The following UBE2E1 variants were observed in gnomAD, a reference collection of about 807,000 sequenced individuals.
UBE2E1 encodes the protein ubiquitin conjugating enzyme E2 E1.
In UBE2E1, 6 loss-of-function variants were observed where a neutral mutation model predicts 21.4. The ratio of observed to expected loss-of-function variants is 0.28; its 90% CI spans 0.15 to 0.55. The LOEUF is 0.55. Ranked by LOEUF, UBE2E1 falls within the 20% of genes least tolerant of loss-of-function variation. UBE2E1 has a pLI of 0.93. For missense variants in UBE2E1, 142 were observed against 236.5 expected (o/e 0.60, Z 2.62); for synonymous variants, 87 against 82.7 (o/e 1.05, Z -0.28).
chr3:23,880,691 A>G (rs879306679), intron 3 of UBE2E1, among the ~76,000 whole-genome samples: 8 of 152,252 alleles, frequency 5.3e-5, no homozygotes, highest in Admixed American at 1.3e-4. Context: ...GTAGTCTGTA[A>G]TAAGTCTGTA....
Position 23,887,534 on chromosome 3 carries a change from C to T in UBE2E1, c.204-33C>T. ...CACTGTAAAAATTGGGATAGTGCCA[C>T]CATCTGCTTATTTGTTGACGTATTA... On this transcript the variant is annotated intron_variant, in intron 3 of 5. Transcript: ENST00000306627. The surrounding 1 kb of genome is among the most constrained non-coding windows in gnomAD (Gnocchi z 4.4). 1.3e-6 allele frequency: 2 copies of T among 1,588,294 alleles called. No individual in the cohort carries two copies. The highest frequency in any genetic ancestry group is 1.4e-5 in the African/African-American group (1 of 73,702).
At chr3:23,819,524 T>C (rs1699600703) in intron 3 of UBE2E1, among the ~76,000 whole-genome samples, 1 of 152,134 alleles carries the variant, frequency 6.6e-6, no homozygotes, top group South Asian at 2.1e-4. Flanking sequence ...GTTATTTGGT[T>C]TGTGTTCTTT....
intron 3 of UBE2E1, among the ~76,000 whole-genome samples, chr3:23,845,509 C>A (rs1575011054): frequency 6.6e-6 from 1 of 150,908 alleles, no homozygotes; most frequent in Non-Finnish European, 1.5e-5. Context: ...TTACTTGAGG[C>A]AGTTGTTAAA....
chr3:23,829,767 G>C (rs1699830695), intron 3 of UBE2E1, among the ~76,000 whole-genome samples: 1 of 152,198 alleles, frequency 6.6e-6, no homozygotes, highest in Non-Finnish European at 1.5e-5. Context: ...TTCCCCTCAG[G>C]CTTAGCTCAC....
intron 3 of UBE2E1, among the ~76,000 whole-genome samples, chr3:23,827,729 G>A (rs1699788006): frequency 6.6e-6 from 1 of 152,118 alleles, no homozygotes; most frequent in African/African-American, 2.4e-5. Context: ...TTATAACATA[G>A]CCACTAATAT....
At chr3:23,831,065 T>G (rs756633108) in intron 3 of UBE2E1, among the ~76,000 whole-genome samples, 16 of 152,224 alleles carry the variant, frequency 1.1e-4, no homozygotes, top group Non-Finnish European at 1.9e-4. Context: ...TTGGAGAGAA[T>G]TAGTCATTCT....
intron 3 of UBE2E1, among the ~76,000 whole-genome samples, chr3:23,822,979 TG>T (rs1281830187): frequency 6.6e-6 from 1 of 152,086 alleles, no homozygotes; most frequent in Non-Finnish European, 1.5e-5. Flanking sequence ...CCTGAGTAGC[TG>T]GGGTTACAGG....
intron 2 of UBE2E1, among the ~76,000 whole-genome samples, chr3:23,809,437 T>C (rs1465827400): frequency 1.3e-5 from 2 of 152,226 alleles, no homozygotes; most frequent in East Asian, 3.8e-4. Flanking sequence ...ATTGGCAGAC[T>C]AACAGGCTGC....
At chr3:23,880,763 A>T (rs558913498) in intron 3 of UBE2E1, among the ~76,000 whole-genome samples, 35 of 152,342 alleles carry the variant, frequency 2.3e-4, no homozygotes, top group African/African-American at 7.2e-4. Flanking sequence ...AGAAAACATG[A>T]ATGTTACTTT....
intron 3 of UBE2E1, among the ~76,000 whole-genome samples, chr3:23,819,560 A>G (rs1699601611): frequency 6.6e-6 from 1 of 152,218 alleles, no homozygotes; most frequent in Admixed American, 6.5e-5. Flanking sequence ...GTTCCTCGAG[A>G]GTAGGGATTA....
chr3:23,858,634 A>G (rs556856641), intron 3 of UBE2E1, among the ~76,000 whole-genome samples: 1 of 152,310 alleles, frequency 6.6e-6, no homozygotes, highest in Admixed American at 6.5e-5. Context: ...ACTTTATGAC[A>G]ATGGAAGACA....
rs1575047998 is a variant in UBE2E1, at chr3:23,889,121, C to T, written c.346C>T (p.Arg116Trp). The T allele has an allele frequency of 6.3e-7, 1 of 1,586,284 alleles. No individual in the cohort carries two copies. Among genetic ancestry groups the T allele is most frequent in the Non-Finnish European group, 8.6e-7 (1 of 1,169,568 alleles). ...CACTTGTTTTTTTTAGGTTACATTT[C>T]GGACAAGAATCTATCATTGTAATAT... ...YPFKPPKVTFRTRIYHCNINS... is the reference protein window; with the variant it reads ...YPFKPPKVTFWTRIYHCNINS... The change falls in exon 5 of 6, where the codon CGG becomes TGG. Residue 116 changes from arginine (R) to tryptophan (W), a missense_variant. By Grantham distance (101) the Arg-to-Trp change is moderately radical. Transcript: ENST00000306627.
intron 3 of UBE2E1, among the ~76,000 whole-genome samples, chr3:23,838,156 C>T (rs941967737): frequency 2.0e-5 from 3 of 152,104 alleles, no homozygotes; most frequent in Non-Finnish European, 2.9e-5. Flanking sequence ...CAGTCTCAGC[C>T]TCCCGGGCTC....
At chr3:23,851,434 T>C (rs1355352894) in intron 3 of UBE2E1, among the ~76,000 whole-genome samples, 1 of 152,208 alleles carries the variant, frequency 6.6e-6, no homozygotes, top group Non-Finnish European at 1.5e-5. Flanking sequence ...CATTTTGTTT[T>C]TTTTTAAACA....
At chr3:23,847,561 C>T (rs1408781092) in intron 3 of UBE2E1, among the ~76,000 whole-genome samples, 1 of 132,266 alleles carries the variant, frequency 7.6e-6, no homozygotes. Flanking sequence ...GTGGTGCGAT[C>T]TCAGCTCACT....
chr3:23,875,621 C>G (rs564623771), intron 3 of UBE2E1, among the ~76,000 whole-genome samples: 1 of 152,292 alleles, frequency 6.6e-6, no homozygotes, highest in South Asian at 2.1e-4. Flanking sequence ...TGTTACAAGA[C>G]TTTTGGAGGG....
intron 3 of UBE2E1, among the ~76,000 whole-genome samples, chr3:23,825,927 G>A (rs759307900): frequency 5.3e-5 from 8 of 152,102 alleles, no homozygotes; most frequent in South Asian, 2.1e-4. Flanking sequence ...TATATTCCCC[G>A]CTGTTAGGAG....
chr3:23,845,585 C>CTGTGTGTGTGTGTGTG (rs71620797), intron 3 of UBE2E1, among the ~76,000 whole-genome samples: 12,025 of 95,004 alleles, frequency 0.13, 712 homozygotes, highest in Middle Eastern at 0.27. Context: ...CTCTCTCTCT[C>CTGTGTGTGTGTGTGTG]TCTCTGTGTG....
At chr3:23,868,258 C>T (rs1452036855) in intron 3 of UBE2E1, among the ~76,000 whole-genome samples, 1 of 152,174 alleles carries the variant, frequency 6.6e-6, no homozygotes, top group Non-Finnish European at 1.5e-5. Context: ...GCTTTCTACT[C>T]AGAAACGCTG....
Sources: gnomAD v4.1 joint callset for allele counts (sites outside exome capture counted in the v4.1 genomes callset) on GRCh38, gnomAD v4.1.1 for gene constraint, Gnocchi (gnomAD v3.1) non-coding constraint, MANE v1.5 for transcripts, NCBI Gene and HGNC (gene_info 2026-07-23, HGNC 2026-07-21) for gene names.